The following DMD variants were observed in gnomAD, a reference collection of about 807,000 sequenced individuals.
The protein encoded by DMD is dystrophin.
DMD carries 63 observed loss-of-function variants against 330.1 expected under a neutral mutation model. The ratio of observed to expected loss-of-function variants is 0.19; its 90% CI spans 0.16 to 0.24. The LOEUF (loss-of-function observed/expected upper bound fraction) is 0.24, where lower values mean the gene tolerates loss of function less well. Ranked by LOEUF, DMD falls within the 10% of genes least tolerant of loss-of-function variation. The pLI is 1.00. For synonymous variants in DMD, 1,223 were observed against 959.8 expected (o/e 1.27, Z -5.07); for missense variants, 3,344 against 2,684.1 (o/e 1.25, Z -5.43).
intron 77 of DMD, among the ~76,000 whole-genome samples, chrX:31,129,354 A>G (rs1007014710): frequency 8.9e-6 from 1 of 112,262 alleles, no homozygotes; most frequent in East Asian, 2.8e-4. Flanking sequence ...TCTTTGGTGA[A>G]TATGAATATA....
intron 26 of DMD, among the ~76,000 whole-genome samples, chrX:32,451,549 C>CA (rs767299506): frequency 4.5e-5 from 5 of 110,075 alleles, no homozygotes; most frequent in African/African-American, 9.9e-5. Context: ...TCTTTTATGT[C>CA]AAAAAAACTT....
intron 2 of DMD, among the ~76,000 whole-genome samples, chrX:32,881,120 TAGGAA>T (rs1324687839): frequency 4.4e-5 from 5 of 112,367 alleles, no homozygotes; most frequent in Non-Finnish European, 7.5e-5. Flanking sequence ...TAAGTACAGC[TAGGAA>T]CTGTAGATGC....
At chrX:31,866,232 T>C (rs1268254672) in intron 48 of DMD, among the ~76,000 whole-genome samples, 1 of 111,535 alleles carries the variant, frequency 9.0e-6, no homozygotes, top group Non-Finnish European at 1.9e-5. Context: ...ATGACAGACC[T>C]TTCTCTTCCT....
chrX:32,262,382 C>T (rs1327839430), intron 43 of DMD, among the ~76,000 whole-genome samples: 1 of 111,381 alleles, frequency 9.0e-6, no homozygotes, highest in Non-Finnish European at 1.9e-5. Context: ...TTACCGAAAA[C>T]AGACTTGTGA....
intron 56 of DMD, 91 bp downstream of exon 56, chrX:31,507,190 T>C: frequency 1.2e-6 from 1 of 858,552 alleles, no homozygotes; most frequent in Non-Finnish European, 1.7e-6. Context: ...TACGTAGACA[T>C]GTGAGATACC....
At chrX:32,184,725 T>A (rs2096939355) in intron 44 of DMD, among the ~76,000 whole-genome samples, 1 of 110,202 alleles carries the variant, frequency 9.1e-6, no homozygotes, top group Non-Finnish European at 1.9e-5. Context: ...CTTAGTAAGA[T>A]CAGAGTTGGA....
chrX:32,832,098 G>A (rs967892618), intron 4 of DMD, among the ~76,000 whole-genome samples: 6 of 111,205 alleles, frequency 5.4e-5, no homozygotes, highest in African/African-American at 2.0e-4. Context: ...TTTGTCCTAA[G>A]AAGGAGTCAC....
chrX:31,414,048 C>G (rs1344306649), intron 60 of DMD, among the ~76,000 whole-genome samples: 2 of 111,494 alleles, frequency 1.8e-5, no homozygotes, highest in African/African-American at 6.5e-5. Flanking sequence ...GAGTTTCACT[C>G]TGTTGCCCAG....
intron 55 of DMD, among the ~76,000 whole-genome samples, chrX:31,524,352 C>T (rs1279521575): frequency 8.9e-6 from 1 of 112,119 alleles, no homozygotes; most frequent in Non-Finnish European, 1.9e-5. Context: ...TTCAATTCTT[C>T]TCAGCAAACT....
chrX:32,257,407 C>T (rs1326911183), intron 43 of DMD, among the ~76,000 whole-genome samples: 8 of 111,387 alleles, frequency 7.2e-5, no homozygotes, highest in African/African-American at 2.6e-4. Context: ...TGCTACCTGA[C>T]TTCAAACTAT....
At chrX:31,517,491 C>T (rs891703284) in intron 55 of DMD, among the ~76,000 whole-genome samples, 1 of 111,780 alleles carries the variant, frequency 8.9e-6, no homozygotes, top group Admixed American at 9.5e-5. Context: ...TAGAATGCCG[C>T]CTGGAGATTT....
chrX:31,281,971 G>A (rs1389596850), intron 62 of DMD, among the ~76,000 whole-genome samples: 2 of 97,971 alleles, frequency 2.0e-5, no homozygotes, highest in African/African-American at 1.0e-4. Flanking sequence ...TAGAGAAATG[G>A]TTCTTTATTT....
At chrX:32,546,903 C>T (rs768237485) in intron 16 of DMD, among the ~76,000 whole-genome samples, 90 of 111,660 alleles carry the variant, frequency 8.1e-4, no homozygotes, top group Non-Finnish European at 1.5e-3. Flanking sequence ...ATGACCATTA[C>T]GTGATAAAAT....
chrX:31,953,255 C>T lies in DMD; in HGVS notation c.6614+15084G>A, dbSNP rs182481516. Among the ~76,000 whole-genome samples, 13 of 112,280 alleles carry T rather than the reference C, an allele frequency of 1.2e-4. No individual in the cohort carries two copies. The East Asian group carries it at 3.1e-3, about 27-fold the overall frequency. On this transcript the variant is annotated intron_variant, in intron 45 of 78. Coordinates refer to ENST00000357033, the MANE Select transcript of DMD (RefSeq NM_004006.3). Reference sequence around the variant, plus strand: ...TTCCAATCAAGACTGCAACTTTAGGCCAGCTGAGTTGCTATTCTGCCTTTT... The same window carrying T: ...TTCCAATCAAGACTGCAACTTTAGGTCAGCTGAGTTGCTATTCTGCCTTTT...
chrX:31,865,885 T>C (rs2093790729), intron 48 of DMD, among the ~76,000 whole-genome samples: 1 of 111,833 alleles, frequency 8.9e-6, no homozygotes, highest in South Asian at 3.8e-4. Flanking sequence ...TTTCCTTTTT[T>C]TGTTGTTGCT....
chrX:32,447,877 A>G (rs1228381772), intron 27 of DMD, among the ~76,000 whole-genome samples: 1 of 111,462 alleles, frequency 9.0e-6, no homozygotes, highest in Admixed American at 9.5e-5. Context: ...TCTAGACAGT[A>G]AGGCCCATCC....
At chrX:32,682,135 A>G (rs1463569180) in intron 9 of DMD, among the ~76,000 whole-genome samples, 3 of 111,865 alleles carry the variant, frequency 2.7e-5, no homozygotes, top group African/African-American at 9.7e-5. Flanking sequence ...TTCAGGATTT[A>G]GAACTACTCT....
chrX:32,852,442 T>C (rs1047178815), intron 2 of DMD, among the ~76,000 whole-genome samples: 4 of 111,356 alleles, frequency 3.6e-5, no homozygotes, highest in African/African-American at 1.3e-4. Context: ...ATGCTGTCTT[T>C]GGGTGTGGCC....
intron 1 of DMD, among the ~76,000 whole-genome samples, chrX:33,048,602 G>A (rs1431835329): frequency 9.6e-6 from 1 of 103,921 alleles, no homozygotes; most frequent in Non-Finnish European, 1.9e-5. Context: ...CTGAGGGCAG[G>A]AGAATCGCTT....
Sources: allele counts gnomAD v4.1 joint callset (sites outside exome capture counted in the v4.1 genomes callset), GRCh38; gene constraint gnomAD v4.1.1; transcripts MANE v1.5; gene names NCBI Gene and HGNC (gene_info 2026-07-23, HGNC 2026-07-21).